Variants in DHX36 observed in about 807,000 individuals in gnomAD.
DHX36 encodes ATP-dependent DNA/RNA helicase DHX36.
DHX36 carries 50 observed loss-of-function variants against 139.0 expected under a neutral mutation model. The observed-to-expected ratio is 0.36, with a 90% confidence interval of 0.29 to 0.46. The LOEUF is 0.46. Among genes scored for constraint, DHX36 ranks in the 20% least tolerant of loss-of-function variants. The pLI is 1.00. For synonymous variants in DHX36, 425 were observed against 401.9 expected (o/e 1.06, Z -0.69); for missense variants, 1,024 against 1,211.3 (o/e 0.85, Z 2.29).
intron 15 of DHX36, among the ~76,000 whole-genome samples, chr3:154,290,802 T>C (rs1254687854): frequency 6.6e-6 from 1 of 151,880 alleles, no homozygotes; most frequent in African/African-American, 2.4e-5. Flanking sequence ...TATTATATAA[T>C]ATACCTCAAT....
In DHX36 at chr3:154,284,810, T is replaced by C. The variant is rs1336299717; in HGVS notation, c.2205+4A>G. 2 of 1,612,818 alleles carry C rather than the reference T, an allele frequency of 1.2e-6. No homozygotes were observed. Among genetic ancestry groups the C allele is most frequent in the Non-Finnish European group, 1.7e-6 (2 of 1,179,284 alleles). On this transcript the variant is annotated splice_donor_region_variant and intron_variant, in intron 18 of 24. Coordinates refer to ENST00000496811, the MANE Select transcript of DHX36 (RefSeq NM_020865.3). Reference sequence around the variant, plus strand: ...TAACTCGGTTTTATTTCCATTTTTCTTACCAGTGGAATGACAAATGGATCT... The same window carrying C: ...TAACTCGGTTTTATTTCCATTTTTCCTACCAGTGGAATGACAAATGGATCT...
intron 3 of DHX36, among the ~76,000 whole-genome samples, chr3:154,313,741 G>A (rs996271919): frequency 6.6e-6 from 1 of 152,048 alleles, no homozygotes; most frequent in Non-Finnish European, 1.5e-5. Context: ...CCAGTAAGTA[G>A]AAAATTAATG....
rs543818068 is a variant in DHX36, at chr3:154,321,398, A to G, written c.243+2776T>C. Among the ~76,000 whole-genome samples the G allele has an allele frequency of 2.0e-5, 3 of 152,298 alleles. No homozygotes were observed. The South Asian group carries it at 6.2e-4, about 32-fold the overall frequency. ...CCAAACTTCAAACACACACACGTAC[A>G]TTCACTTTGTTATCTTTCAAGTTTC... On this transcript the variant is annotated intron_variant, in intron 1 of 24. Coordinates refer to ENST00000496811, the MANE Select transcript of DHX36 (RefSeq NM_020865.3).
chr3:154,314,118 C>A (rs1013843354), intron 3 of DHX36, among the ~76,000 whole-genome samples: 6 of 152,180 alleles, frequency 3.9e-5, no homozygotes, highest in Non-Finnish European at 5.9e-5. Flanking sequence ...CCTGTTAAGG[C>A]TGTTAAAGCA....
intron 13 of DHX36, among the ~76,000 whole-genome samples, chr3:154,294,111 G>T (rs185903324): frequency 1.3e-5 from 2 of 152,110 alleles, no homozygotes; most frequent in Non-Finnish European, 2.9e-5. Flanking sequence ...AAAGCTGGAG[G>T]TTATAAAGTA....
chr3:154,287,690 A>C (rs1458159581), intron 17 of DHX36, among the ~76,000 whole-genome samples: 1 of 151,908 alleles, frequency 6.6e-6, no homozygotes, highest in Non-Finnish European at 1.5e-5. Context: ...TAAAATAAGG[A>C]ATTTATCAAG....
At chr3:154,285,120 T>C in intron 17 of DHX36, 133 bp from the exon 18 acceptor site, 1 of 928,990 alleles carries the variant, frequency 1.1e-6, no homozygotes, top group South Asian at 1.8e-5. Context: ...ATTGTTCAGC[T>C]TTAGTTTTCC....
chr3:154,321,977 A>G (rs1713205063), intron 1 of DHX36, among the ~76,000 whole-genome samples: 1 of 152,110 alleles, frequency 6.6e-6, no homozygotes, highest in Non-Finnish European at 1.5e-5. Flanking sequence ...CATGACTTTA[A>G]AAGTGAAAGC....
rs200020002 is a variant in DHX36, at chr3:154,284,568, A to ATT, written c.2292+13_2292+14dup. Reference sequence around the variant, plus strand: ...ATAAACTATCATAATCCAGGACAAAATTTTTTTTTTTTACCTCAAACGCAT... The same window carrying ATT: ...ATAAACTATCATAATCCAGGACAAAATTTTTTTTTTTTTTACCTCAAACGCAT... On this transcript the variant is annotated intron_variant, in intron 19 of 24. Coordinates refer to ENST00000496811, the MANE Select transcript of DHX36 (RefSeq NM_020865.3). 2,843 of 1,323,000 alleles carry ATT rather than the reference A, an allele frequency of 2.1e-3. 1 individual carries two copies. The highest frequency in any genetic ancestry group is 4.0e-3 in the South Asian group (287 of 71,452). 82.0% of individuals were successfully genotyped at this position (1,323,000 alleles called of 1,614,324 possible).
At chr3:154,285,381 GAAAAGC>G (rs1711513015) in intron 17 of DHX36, among the ~76,000 whole-genome samples, 1 of 152,156 alleles carries the variant, frequency 6.6e-6, no homozygotes. Context: ...ACGCGAGACA[GAAAAGC>G]AAAAGAAAAA....
At position 154,292,610 on chromosome 3, in the gene DHX36, T is replaced by C. The variant is rs16823848; in HGVS notation, c.1755A>G (p.Thr585=). Residue 585 remains threonine, a synonymous_variant, in exon 15 of 25, where the codon ACA becomes ACG. Coordinates refer to ENST00000496811, the MANE Select transcript of DHX36 (RefSeq NM_020865.3). ...THFDTQNNIS[T]MSAEWVSKAN... is the part of the protein sequence containing the mutation. ...CTTTACTAACCCACTCAGCGGACATTGTACTGATATTGTTCTGAGTATCAA... is the reference window on the plus strand; with the variant it reads ...CTTTACTAACCCACTCAGCGGACATCGTACTGATATTGTTCTGAGTATCAA... 1,680 of 1,614,088 alleles carry C rather than the reference T, an allele frequency of 1.0e-3. 19 individuals carry two copies. In the African/African-American group the frequency reaches 0.02, roughly 20 times the overall value.
intron 12 of DHX36, among the ~76,000 whole-genome samples, chr3:154,295,595 C>T (rs926389463): frequency 3.3e-5 from 5 of 152,128 alleles, no homozygotes; most frequent in Non-Finnish European, 5.9e-5. Flanking sequence ...GTTTTCTGAG[C>T]GCTCCAAGTT....
At chr3:154,309,260 C>T (rs776363115) in intron 5 of DHX36, among the ~76,000 whole-genome samples, 1 of 150,924 alleles carries the variant, frequency 6.6e-6, no homozygotes, top group Non-Finnish European at 1.5e-5. Context: ...CCACTTTCAC[C>T]ACCATTCAGT....
At chr3:154,283,944 T>C (rs1359594558) in intron 19 of DHX36, among the ~76,000 whole-genome samples, 1 of 152,116 alleles carries the variant, frequency 6.6e-6, no homozygotes, top group African/African-American at 2.4e-5. Context: ...TATTAATGAA[T>C]AGAAAGAGAC....
At chr3:154,308,041 GT>G (rs1256279251) in intron 5 of DHX36, among the ~76,000 whole-genome samples, 1 of 152,158 alleles carries the variant, frequency 6.6e-6, no homozygotes, top group Non-Finnish European at 1.5e-5. Context: ...GACATAGAGT[GT>G]GGAATGGCAA....
intron 3 of DHX36, chr3:154,312,195 A>T (rs1185824590): frequency 6.6e-6 from 1 of 152,176 alleles, no homozygotes; most frequent in Admixed American, 6.5e-5. Context: ...GTTAAGTCAA[A>T]CTTAAAGTAT....
intron 17 of DHX36, among the ~76,000 whole-genome samples, chr3:154,286,719 A>AAT (rs1287274553): frequency 1.3e-5 from 2 of 152,142 alleles, no homozygotes; most frequent in Non-Finnish European, 2.9e-5. Context: ...TTATAGATGG[A>AAT]ATTCAATCAA....
intron 4 of DHX36, among the ~76,000 whole-genome samples, chr3:154,310,709 C>T (rs1459071829): frequency 4.5e-5 from 6 of 131,910 alleles, no homozygotes; most frequent in Admixed American, 8.1e-5. Context: ...ACCCGAGAGT[C>T]GGGAGTTTGC....
chr3:154,315,362 G>T, intron 2 of DHX36, 82 bp from the exon 3 acceptor site: 1 of 942,794 alleles, frequency 1.1e-6, no homozygotes, highest in Non-Finnish European at 1.6e-6. Flanking sequence ...ACAATACGCT[G>T]TTGAAATATT....
Sources: allele counts gnomAD v4.1 joint callset (sites outside exome capture counted in the v4.1 genomes callset), GRCh38; gene constraint gnomAD v4.1.1; transcripts MANE v1.5; gene names NCBI Gene and HGNC (gene_info 2026-07-23, HGNC 2026-07-21).